Variants in DICER1 observed in about 807,000 individuals in gnomAD.
DICER1 encodes the protein dicer 1, ribonuclease III, also known as endoribonuclease Dicer.
In DICER1, 43 loss-of-function variants were observed where a neutral mutation model predicts 194.1. That is an observed-to-expected ratio of 0.22 (90% CI 0.17 to 0.29). The LOEUF (loss-of-function observed/expected upper bound fraction) is 0.29. Among genes scored for constraint, DICER1 ranks in the 10% least tolerant of loss-of-function variants. The pLI is 1.00. For missense variants in DICER1, 1,608 were observed against 2,317.0 expected (o/e 0.69, Z 6.28); for synonymous variants, 832 against 820.5 (o/e 1.01, Z -0.24).
At chr14:95,136,907 C>T (rs1436941908) in intron 1 of DICER1, 2 of 152,142 alleles carry the variant, frequency 1.3e-5, no homozygotes, top group East Asian at 1.9e-4. Flanking sequence ...ATGGACTTTC[C>T]AATTAACTGA....
At chr14:95,123,414 A>C (rs1410786878) in intron 8 of DICER1, among the ~76,000 whole-genome samples, 2 of 152,160 alleles carry the variant, frequency 1.3e-5, no homozygotes, top group Non-Finnish European at 2.9e-5. Flanking sequence ...AACTTTTTGC[A>C]CTGTGGCCTT....
chr14:95,109,855 T>C (rs959202081), intron 14 of DICER1, among the ~76,000 whole-genome samples: 2 of 152,208 alleles, frequency 1.3e-5, no homozygotes, highest in Non-Finnish European at 2.9e-5. Context: ...GTGTGTACAG[T>C]ACAGTATTTT....
chr14:95,107,604 C>CGGT lies in DICER1; in HGVS notation c.2804+3_2804+4insACC, dbSNP rs1240430173. The CGGT allele has an allele frequency of 1.9e-6, 3 of 1,613,794 alleles. No individual in the cohort carries two copies. The highest frequency in any genetic ancestry group is 2.5e-6 in the Non-Finnish European group (3 of 1,179,762). On this transcript the variant is annotated splice_donor_region_variant and intron_variant, in intron 17 of 26. Transcript: ENST00000343455. ...ACCATTTTCCTTTCCATTTAAATACCTACCTTGGAATGATAACGGCATCTT... is the reference window on the plus strand; with the variant it reads ...ACCATTTTCCTTTCCATTTAAATACCGGTTACCTTGGAATGATAACGGCATCTT...
Position 95,091,283 on chromosome 14 carries a change from G to A in DICER1, c.5447C>T (p.Ala1816Val), listed in dbSNP as rs1244996889. Residue 1816 changes from alanine (A) to valine (V), a missense_variant, in exon 25 of 27, where the codon GCT (alanine) becomes GTT (valine). Physicochemically the swap from Ala to Val is moderately conservative, Grantham distance 64. This residue lies in a region of DICER1 where 138 missense variants were observed against 298.3 expected (regional missense o/e 0.46). Coordinates refer to ENST00000343455, the MANE Select transcript of DICER1 (RefSeq NM_177438.3). Reference protein sequence around the residue: ...KAMGDIFESLAGAIYMDSGMS... With the variant: ...KAMGDIFESLVGAIYMDSGMS... ...CCCACTATCCATGTAAATGGCACCA[G>A]CAAGCGACTCAAAAATATCCCCCAT... 1 of 1,614,042 alleles carries A rather than the reference G, an allele frequency of 6.2e-7. No homozygotes were observed. Among genetic ancestry groups the A allele is most frequent in the Non-Finnish European group, 8.5e-7 (1 of 1,179,982 alleles).
rs1229911666 is a variant in DICER1, at chr14:95,133,295, A to T, written c.144+20T>A. 1 of 1,612,660 alleles carries T rather than the reference A, an allele frequency of 6.2e-7. No homozygotes were observed. Among genetic ancestry groups the T allele is most frequent in the Admixed American group, 1.7e-5 (1 of 60,010 alleles). On this transcript the variant is annotated intron_variant, in intron 2 of 26. Transcript: ENST00000343455. ...CCATTTTAGTGTAGAATGCTCCAGT[A>T]TTAGTGTTCGCATTAGTACCTGATA...
At chr14:95,153,568 C>G (rs1895654637) in intron 1 of DICER1, among the ~76,000 whole-genome samples, 1 of 152,152 alleles carries the variant, frequency 6.6e-6, no homozygotes, top group South Asian at 2.1e-4. Flanking sequence ...ATTCTTCATA[C>G]AAGAGAAAAA....
At chr14:95,110,117 C>A (rs1027976725) in intron 14 of DICER1, among the ~76,000 whole-genome samples, 1 of 152,080 alleles carries the variant, frequency 6.6e-6, no homozygotes, top group Non-Finnish European at 1.5e-5. Flanking sequence ...CAGTTAAATT[C>A]CTCCAGCACA....
At chr14:95,150,935 C>T (rs1456084239) in intron 1 of DICER1, among the ~76,000 whole-genome samples, 3 of 152,186 alleles carry the variant, frequency 2.0e-5, no homozygotes, top group African/African-American at 7.2e-5. Flanking sequence ...ACAATTATAG[C>T]TCACTGCTAC....
intron 8 of DICER1, among the ~76,000 whole-genome samples, chr14:95,118,678 T>A (rs1892696701): frequency 6.6e-6 from 1 of 152,116 alleles, no homozygotes; most frequent in Non-Finnish European, 1.5e-5. Context: ...ATTCAAAAAC[T>A]CAGCACACGG....
chr14:95,107,842 G>A (rs1202952139), intron 16 of DICER1, 38 bp downstream of exon 16: 4 of 1,606,470 alleles, frequency 2.5e-6, no homozygotes, highest in East Asian at 2.2e-5. Context: ...GTTTGTATAT[G>A]TGTCTAGAGT....
chr14:95,133,695 T>G (rs1466791262), intron 1 of DICER1, among the ~76,000 whole-genome samples, 192 bp from the exon 2 acceptor site: 1 of 152,242 alleles, frequency 6.6e-6, no homozygotes, highest in Non-Finnish European at 1.5e-5. Flanking sequence ...CCAGTGATTC[T>G]ATGCCTAGAA....
Position 95,103,667 on chromosome 14 carries a change from A to C in DICER1, c.3729T>G (p.Leu1243=). The C allele has an allele frequency of 6.2e-7, 1 of 1,614,168 alleles. No homozygotes were observed. The highest frequency in any genetic ancestry group is 1.3e-5 in the African/African-American group (1 of 75,044). The stretch of plus-strand genomic sequence containing the variant: ...AGGTAGATTTGTTAGCATTTCCATC[A>C]AGGTATTTATTACTCAGGAGAGTAC... ...DECTLLSNKY[L]DGNANKSTSD... is the part of the protein sequence containing the mutation. Residue 1243 remains leucine (L), a synonymous_variant, in exon 21 of 27, where the codon CTT becomes CTG. Coordinates refer to ENST00000343455, the MANE Select transcript of DICER1 (RefSeq NM_177438.3).
rs770962059 is a variant in DICER1 at position 95,090,641 on chromosome 14, C to G, written c.5626G>C (p.Gly1876Arg). ...KFSPAERTYD[G>R]KVRVTVEVVG... ...ACTTCCACAGTGACTCTGACCTTCCCGTCGTAAGTTCTCTCAGCCGGGCTG... is the reference window on the plus strand; with the variant it reads ...ACTTCCACAGTGACTCTGACCTTCCGGTCGTAAGTTCTCTCAGCCGGGCTG... The change falls in exon 27 of 27, where the codon GGG becomes CGG. Residue 1876 changes from glycine to arginine, a missense_variant. This residue lies in a region of DICER1 where 138 missense variants were observed against 298.3 expected (regional missense o/e 0.46). Transcript: ENST00000343455. The G allele has an allele frequency of 6.2e-7, 1 of 1,614,120 alleles. No homozygotes were observed.
At chr14:95,120,153 GA>G (rs775029028) in intron 8 of DICER1, among the ~76,000 whole-genome samples, 25 of 152,188 alleles carry the variant, frequency 1.6e-4, no homozygotes, top group Admixed American at 1.3e-4. Context: ...CCAGGTTATT[GA>G]AATACATTAT....
chr14:95,137,045 C>A (rs1468180575), intron 1 of DICER1, among the ~76,000 whole-genome samples: 6 of 140,018 alleles, frequency 4.3e-5, no homozygotes, highest in Admixed American at 2.9e-4. Context: ...AAGAGGAAAG[C>A]AAAGAACAGA....
At chr14:95,153,901 T>C (rs1324985730) in intron 1 of DICER1, among the ~76,000 whole-genome samples, 2 of 152,194 alleles carry the variant, frequency 1.3e-5, no homozygotes, top group African/African-American at 4.8e-5. Context: ...AAAATAATGC[T>C]GCCTCAGAAG....
intron 1 of DICER1, among the ~76,000 whole-genome samples, chr14:95,137,459 AG>A (rs1238763815): frequency 7.8e-6 from 1 of 127,486 alleles, no homozygotes; most frequent in Non-Finnish European, 1.6e-5. Flanking sequence ...GGAAAGGGAA[AG>A]AAAAAGGGGA....
Position 95,105,962 on chromosome 14 carries a change from A to G in DICER1, c.2987+79T>C. ...ATAGTCCACGGGTGGGCAGGGGGAC[A>G]GTGAACCTCTGCATGTCTAGTGATG... is the stretch of plus-strand genomic sequence containing the variant. On this transcript the variant is annotated intron_variant, in intron 18 of 26. Transcript: ENST00000343455. The surrounding 1 kb of genome is among the most constrained non-coding windows in gnomAD (Gnocchi z 4.9). 6.5e-7 allele frequency: 1 copy of G among 1,527,484 alleles called. No individual in the cohort carries two copies. The allele number at this position is 1,527,484 out of a possible 1,614,324, so 94.6% of individuals were successfully genotyped here.
intron 5 of DICER1, 58 bp from the exon 6 acceptor site, chr14:95,129,690 G>A: frequency 6.7e-7 from 1 of 1,486,834 alleles, no homozygotes; most frequent in Non-Finnish European, 9.3e-7. Context: ...TATAACAAGA[G>A]AGACATCGCC....
Sources: gnomAD v4.1 joint callset for allele counts (sites outside exome capture counted in the v4.1 genomes callset) on GRCh38, gnomAD v4.1.1 for gene constraint, gnomAD v4.1.1 regional missense constraint, Gnocchi (gnomAD v3.1) non-coding constraint, MANE v1.5 for transcripts, NCBI Gene and HGNC (gene_info 2026-07-23, HGNC 2026-07-21) for gene names.